Variants in KIFAP3 observed in about 807,000 individuals in gnomAD.
KIFAP3 encodes kinesin associated protein 3.
Under a neutral mutation model 106.5 loss-of-function variants are expected in KIFAP3, and 68 were observed. The observed-to-expected ratio is 0.64, with a 90% CI of 0.53 to 0.78. The LOEUF is 0.78. Ranked by LOEUF, KIFAP3 falls within the 30% of genes least tolerant of loss-of-function variation. The pLI is 0.00. For synonymous variants in KIFAP3, 320 were observed against 311.5 expected (o/e 1.03, Z -0.29); for missense variants, 780 against 941.8 (o/e 0.83, Z 2.25).
intron 19 of KIFAP3, among the ~76,000 whole-genome samples, chr1:169,936,810 G>A (rs537675899): frequency 2.0e-5 from 3 of 151,234 alleles, no homozygotes; most frequent in Non-Finnish European, 4.4e-5. Flanking sequence ...CATTAATTCT[G>A]TTTCCTCTTA....
intron 16 of KIFAP3, among the ~76,000 whole-genome samples, chr1:169,977,097 C>G (rs1019433260): frequency 2.0e-5 from 3 of 152,116 alleles, no homozygotes; most frequent in Admixed American, 2.0e-4. Flanking sequence ...ACTATAAACT[C>G]CCTGAGGTCA....
chr1:169,977,146 G>C (rs1334980640), intron 16 of KIFAP3, among the ~76,000 whole-genome samples: 2 of 152,166 alleles, frequency 1.3e-5, no homozygotes, highest in African/African-American at 4.8e-5. Context: ...GCCAGTATCT[G>C]TTTAGATGGT....
chr1:169,968,823 T>C (rs1665764349), intron 17 of KIFAP3, among the ~76,000 whole-genome samples: 1 of 139,490 alleles, frequency 7.2e-6, no homozygotes, highest in African/African-American at 2.4e-5. Flanking sequence ...AGTCCAAATG[T>C]TGCCAATTAA....
At chr1:169,986,279 C>T (rs542278706) in intron 11 of KIFAP3, among the ~76,000 whole-genome samples, 13 of 151,858 alleles carry the variant, frequency 8.6e-5, no homozygotes, top group African/African-American at 3.1e-4. Context: ...TAGCAATGAA[C>T]AGCTGAAAAC....
intron 10 of KIFAP3, among the ~76,000 whole-genome samples, chr1:169,998,391 TATATATATACACACACAC>T (rs1183600459): frequency 1.1e-4 from 15 of 131,984 alleles, no homozygotes; most frequent in Admixed American, 3.0e-4. Flanking sequence ...GATATATATA[TATATATATACACACACAC>T]ACACACACAC....
At position 169,954,084 on chromosome 1, in the gene KIFAP3, T is replaced by G. The variant is rs754134484; in HGVS notation, c.2200A>C (p.Ile734Leu). ...SDGLIASEGA[I>L]SPDFFNDYHL... ...TAATCATTGAAGAAATCGGGACTTA[T>G]GGCTCCTTCAGAGGCAATTAATCCA... is the stretch of plus-strand genomic sequence containing the variant. The change falls in exon 19 of 20, where the codon ATA becomes CTA. Residue 734 changes from isoleucine to leucine, a missense_variant. Physicochemically the swap from Ile to Leu is conservative, Grantham distance 5 (BLOSUM62 2). Transcript: ENST00000361580. 6.2e-7 allele frequency: 1 copy of G among 1,612,522 alleles called. No individual in the cohort carries two copies. Among genetic ancestry groups the G allele is most frequent in the African/African-American group, 1.3e-5 (1 of 74,882 alleles).
intron 19 of KIFAP3, 130 bp from the exon 20 acceptor site, chr1:169,921,911 T>C (rs1662847721): frequency 3.8e-6 from 2 of 521,536 alleles, no homozygotes; most frequent in African/African-American, 6.7e-5. Context: ...GTGGATATCA[T>C]TAACTTTTTT....
chr1:169,928,873 T>C (rs570594594), intron 19 of KIFAP3, among the ~76,000 whole-genome samples: 6 of 152,220 alleles, frequency 3.9e-5, no homozygotes, highest in Non-Finnish European at 7.4e-5. Context: ...TGAGATGCTG[T>C]GGTATTCCAT....
chr1:169,957,754 G>GT (rs1197266497), intron 18 of KIFAP3, among the ~76,000 whole-genome samples: 1 of 152,068 alleles, frequency 6.6e-6, no homozygotes, highest in Non-Finnish European at 1.5e-5. Flanking sequence ...AGCCTCCCGA[G>GT]TAGCTGGGAT....
At chr1:169,952,803 G>A (rs1379450926) in intron 19 of KIFAP3, among the ~76,000 whole-genome samples, 3 of 151,994 alleles carry the variant, frequency 2.0e-5, no homozygotes, top group African/African-American at 4.8e-5. Context: ...ATGAATATTT[G>A]TAAAACAGAT....
intron 16 of KIFAP3, among the ~76,000 whole-genome samples, chr1:169,974,528 AT>A (rs993965076): frequency 1.1e-3 from 159 of 150,490 alleles, no homozygotes; most frequent in African/African-American, 3.4e-3. Flanking sequence ...GGTTCTTACT[AT>A]TTTTTTTTAG....
chr1:169,924,237 T>G (rs1662998474), intron 19 of KIFAP3, among the ~76,000 whole-genome samples: 1 of 152,226 alleles, frequency 6.6e-6, no homozygotes, highest in Non-Finnish European at 1.5e-5. Context: ...TTTCTGAACC[T>G]GTAAATCTCT....
At chr1:169,943,788 C>T (rs956185275) in intron 19 of KIFAP3, among the ~76,000 whole-genome samples, 5 of 152,008 alleles carry the variant, frequency 3.3e-5, no homozygotes, top group Admixed American at 6.5e-5. Context: ...AAGTATATGA[C>T]GTTTAACACT....
intron 1 of KIFAP3, among the ~76,000 whole-genome samples, chr1:170,056,518 TCA>T (rs1226730010): frequency 6.6e-6 from 1 of 152,206 alleles, no homozygotes; most frequent in East Asian, 1.9e-4. Context: ...GCAAAATCTC[TCA>T]TTCTTAGTCC....
chr1:169,978,305 A>C, intron 15 of KIFAP3, 122 bp from the exon 16 acceptor site: 1 of 616,302 alleles, frequency 1.6e-6, no homozygotes, highest in South Asian at 2.1e-5. Context: ...GCAAGCAGAA[A>C]TGGATTTAAC....
intron 10 of KIFAP3, among the ~76,000 whole-genome samples, chr1:169,993,677 TG>T (rs1667222928): frequency 1.8e-5 from 1 of 55,656 alleles, no homozygotes; most frequent in Non-Finnish European, 3.9e-5. Flanking sequence ...GCCCAGATTG[TG>T]CCACTGAACG....
At chr1:170,074,406 G>C in intron 1 of KIFAP3, 30 bp downstream of exon 1, 1 of 1,613,056 alleles carries the variant, frequency 6.2e-7, no homozygotes, top group Non-Finnish European at 8.5e-7. Flanking sequence ...CTGGCAAGGA[G>C]GGTAGGACAG....
Position 169,921,655 on chromosome 1 carries a change from C to CTTAGT in KIFAP3, c.*20_*21insACTAA. The CTTAGT allele has an allele frequency of 6.4e-7, 1 of 1,574,240 alleles. No homozygotes were observed. Among genetic ancestry groups the CTTAGT allele is most frequent in the Non-Finnish European group, 8.7e-7 (1 of 1,144,606 alleles). On this transcript the variant is annotated 3_prime_UTR_variant, in exon 20 of 20. Transcript: ENST00000361580. ...ACAGATTTCTTCTAAGCTGAGATTA[C>CTTAGT]ACATGGAAACAGATACTTTATCAAG... is the stretch of plus-strand genomic sequence containing the variant.
At chr1:169,961,021 T>C in intron 18 of KIFAP3, 25 bp downstream of exon 18, 2 of 1,593,962 alleles carry the variant, frequency 1.3e-6, no homozygotes, top group Admixed American at 1.7e-5. Context: ...TATAATAAAC[T>C]GTTTACTTTC....
Sources: allele counts gnomAD v4.1 joint callset (sites outside exome capture counted in the v4.1 genomes callset), GRCh38; gene constraint gnomAD v4.1.1; transcripts MANE v1.5; gene names NCBI Gene and HGNC (gene_info 2026-07-23, HGNC 2026-07-21).